The following ADAMTSL1 variants were observed in gnomAD, a reference collection of about 807,000 sequenced individuals.
ADAMTSL1 encodes ADAMTS like 1, also known as ADAMTS-like protein 1.
ADAMTSL1 carries 126 observed loss-of-function variants against 201.8 expected under a neutral mutation model. That is an observed-to-expected ratio of 0.62 (90% CI 0.54 to 0.72). The LOEUF (loss-of-function observed/expected upper bound fraction) is 0.72. Among genes scored for constraint, ADAMTSL1 ranks in the 30% least tolerant of loss-of-function variants. ADAMTSL1 has a pLI of 0.00. For missense variants in ADAMTSL1, 2,679 were observed against 2,277.8 expected (o/e 1.18, Z -3.59); for synonymous variants, 1,121 against 903.4 (o/e 1.24, Z -4.32).
In ADAMTSL1 at chr9:18,190,284, G is replaced by C. The variant is rs189164408; in HGVS notation, c.207+26303G>C. Among the ~76,000 whole-genome samples, 8 of 152,268 alleles carry C rather than the reference G, an allele frequency of 5.3e-5. No individual in the cohort carries two copies. In the East Asian group the frequency reaches 1.5e-3, roughly 29 times the overall value. ...ATGATGTGTGTGTGTATTTTAAGTGGAATGTTATATGAATGAGTTACGCTT... is the reference window on the plus strand; with the variant it reads ...ATGATGTGTGTGTGTATTTTAAGTGCAATGTTATATGAATGAGTTACGCTT... On this transcript the variant is annotated intron_variant, in intron 2 of 29. Coordinates refer to the ADAMTSL1 transcript ENST00000680146.
At chr9:18,668,416 A>G (rs1829602255) in intron 9 of ADAMTSL1, among the ~76,000 whole-genome samples, 1 of 152,228 alleles carries the variant, frequency 6.6e-6, no homozygotes, top group Non-Finnish European at 1.5e-5. Flanking sequence ...TCAATTTACT[A>G]CAAAGCCAGA....
intron 2 of ADAMTSL1, among the ~76,000 whole-genome samples, chr9:18,179,137 A>G (rs544972901): frequency 6.6e-6 from 1 of 152,226 alleles, no homozygotes; most frequent in Admixed American, 6.5e-5. Context: ...GAAAAAATTT[A>G]GAAGAATGTA....
At chr9:18,176,221 C>A (rs1303152924) in intron 2 of ADAMTSL1, among the ~76,000 whole-genome samples, 1 of 151,916 alleles carries the variant, frequency 6.6e-6, no homozygotes, top group Admixed American at 6.6e-5. Context: ...ATCATTTGCC[C>A]TAGCGTATTT....
chr9:18,445,190 A>G (rs1434205263), intron 2 of ADAMTSL1, among the ~76,000 whole-genome samples: 1 of 152,172 alleles, frequency 6.6e-6, no homozygotes, highest in Non-Finnish European at 1.5e-5. Flanking sequence ...AGTGATAACC[A>G]GTTTCTCTCT....
At chr9:18,438,086 G>C (rs73417095) in intron 2 of ADAMTSL1, among the ~76,000 whole-genome samples, 4,382 of 152,154 alleles carry the variant, frequency 0.029, 205 homozygotes, top group African/African-American at 0.1. Context: ...GTGGTATGCT[G>C]GGTTTTGTTT....
chr9:18,191,898 G>A (rs1828986858), intron 2 of ADAMTSL1, among the ~76,000 whole-genome samples: 1 of 151,960 alleles, frequency 6.6e-6, no homozygotes, highest in Non-Finnish European at 1.5e-5. Flanking sequence ...GTAATAAAAG[G>A]GATTCTTAGA....
At chr9:18,600,417 T>A (rs1257561611) in intron 4 of ADAMTSL1, among the ~76,000 whole-genome samples, 3 of 152,318 alleles carry the variant, frequency 2.0e-5, no homozygotes, top group East Asian at 1.9e-4. Flanking sequence ...TGAACTCAGA[T>A]CTGTCTGACC....
At chr9:18,215,490 A>C (rs183530619) in intron 2 of ADAMTSL1, among the ~76,000 whole-genome samples, 57 of 152,322 alleles carry the variant, frequency 3.7e-4, no homozygotes, top group Middle Eastern at 6.8e-3. Flanking sequence ...CTGGCCTGTC[A>C]AAAGAACTGC....
chr9:18,308,383 C>CA (rs1833989459), intron 2 of ADAMTSL1, among the ~76,000 whole-genome samples: 2 of 152,012 alleles, frequency 1.3e-5, no homozygotes, highest in Non-Finnish European at 2.9e-5. Flanking sequence ...AAAAACCCTT[C>CA]AAAAAATCAA....
At chr9:18,241,894 C>CA (rs1020419975) in intron 2 of ADAMTSL1, among the ~76,000 whole-genome samples, 2 of 151,938 alleles carry the variant, frequency 1.3e-5, no homozygotes, top group Non-Finnish European at 2.9e-5. Context: ...CTTACAGCAA[C>CA]AAAAAACCTC....
chr9:18,471,396 C>T (rs563865828), upstream of ADAMTSL1, among the ~76,000 whole-genome samples: 12 of 152,296 alleles, frequency 7.9e-5, no homozygotes, highest in South Asian at 1.0e-3. Context: ...TTCTCTGAGC[C>T]TCAGTTTCCA....
At chr9:18,722,298 A>G (rs1410178691) in intron 15 of ADAMTSL1, among the ~76,000 whole-genome samples, 2 of 152,128 alleles carry the variant, frequency 1.3e-5, no homozygotes, top group Admixed American at 6.5e-5. Flanking sequence ...GTCTTGAGAA[A>G]CTTGCCTTCT....
chr9:18,632,258 T>C (rs1826832395), intron 5 of ADAMTSL1, among the ~76,000 whole-genome samples: 1 of 152,212 alleles, frequency 6.6e-6, no homozygotes, highest in Admixed American at 6.5e-5. Flanking sequence ...AGTGAGACAA[T>C]TATTAATACA....
chr9:18,304,030 C>T (rs963563584), intron 2 of ADAMTSL1, among the ~76,000 whole-genome samples: 2 of 152,136 alleles, frequency 1.3e-5, no homozygotes, highest in Non-Finnish European at 2.9e-5. Flanking sequence ...TGCATTTAAC[C>T]TTGGCCTGTG....
chr9:17,950,611 C>G (rs1380598252), intron 1 of ADAMTSL1, among the ~76,000 whole-genome samples: 5 of 151,900 alleles, frequency 3.3e-5, no homozygotes, highest in African/African-American at 4.8e-5. Flanking sequence ...ATCTCTCATA[C>G]TGATACATAA....
chr9:18,407,116 C>G (rs969928011), intron 2 of ADAMTSL1, among the ~76,000 whole-genome samples: 1 of 152,150 alleles, frequency 6.6e-6, no homozygotes, highest in Non-Finnish European at 1.5e-5. Context: ...CATATTCAAG[C>G]AGTTAAAGAA....
At chr9:18,525,510 C>T (rs1011401035) in intron 2 of ADAMTSL1, among the ~76,000 whole-genome samples, 2 of 152,032 alleles carry the variant, frequency 1.3e-5, no homozygotes, top group East Asian at 1.9e-4. Context: ...GCTCTTGCTT[C>T]TCTAGTTCTT....
chr9:18,233,228 A>G (rs1050228345), intron 2 of ADAMTSL1, among the ~76,000 whole-genome samples: 1 of 152,216 alleles, frequency 6.6e-6, no homozygotes, highest in Non-Finnish European at 1.5e-5. Flanking sequence ...TCAATTCACT[A>G]TGTATTATTA....
intron 19 of ADAMTSL1, among the ~76,000 whole-genome samples, chr9:18,792,419 A>G (rs539670921): frequency 1.3e-5 from 2 of 152,358 alleles, no homozygotes; most frequent in East Asian, 1.9e-4. Flanking sequence ...AACAAAGTTC[A>G]GAAGAACTAT....
Sources: allele counts gnomAD v4.1 joint callset (sites outside exome capture counted in the v4.1 genomes callset), GRCh38; gene constraint gnomAD v4.1.1; transcripts MANE v1.5; gene names NCBI Gene and HGNC (gene_info 2026-07-23, HGNC 2026-07-21).